Variants in SYTL2 observed in about 807,000 individuals in gnomAD.
SYTL2 encodes the protein synaptotagmin-like protein 2.
In SYTL2, 165 loss-of-function variants were observed where a neutral mutation model predicts 198.7. That is an observed-to-expected ratio of 0.83 (90% CI 0.73 to 0.94). The LOEUF is 0.94. SYTL2 is among the 40% of genes least tolerant of loss of function. The pLI is 0.00. For missense variants in SYTL2, 2,835 were observed against 2,582.8 expected (o/e 1.10, Z -2.12); for synonymous variants, 966 against 917.7 (o/e 1.05, Z -0.95).
chr11:85,776,642 T>C (rs556618682), intron 1 of SYTL2, among the ~76,000 whole-genome samples: 1 of 152,324 alleles, frequency 6.6e-6, no homozygotes, highest in African/African-American at 2.4e-5. Flanking sequence ...CTTAATCCAG[T>C]CTATCACTGA....
chr11:85,709,249 G>A (rs749406060), intron 14 of SYTL2, 82 bp downstream of exon 14: 1 of 1,401,636 alleles, frequency 7.1e-7, no homozygotes, highest in African/African-American at 1.4e-5. Flanking sequence ...CCCTCCTCTT[G>A]ATTACTTTAT....
At chr11:85,706,269 T>C (rs1423343802) in intron 15 of SYTL2, among the ~76,000 whole-genome samples, 3 of 152,230 alleles carry the variant, frequency 2.0e-5, no homozygotes, top group African/African-American at 7.2e-5. Context: ...ATCTTCCTTT[T>C]GCAAATCTGA....
At chr11:85,809,068 G>A (rs1333269222) in intron 1 of SYTL2, among the ~76,000 whole-genome samples, 26 of 152,200 alleles carry the variant, frequency 1.7e-4, no homozygotes, top group Admixed American at 1.6e-3. Flanking sequence ...GAAGATGGTG[G>A]AACCTGGGCT....
chr11:85,769,028 A>C (rs2092302227), intron 1 of SYTL2, among the ~76,000 whole-genome samples: 1 of 152,186 alleles, frequency 6.6e-6, no homozygotes, highest in African/African-American at 2.4e-5. Context: ...AAGAGGAAAA[A>C]AAAGATCATT....
chr11:85,746,553 T>C (rs1344644118), intron 3 of SYTL2, among the ~76,000 whole-genome samples: 7 of 152,208 alleles, frequency 4.6e-5, no homozygotes, highest in African/African-American at 1.7e-4. Flanking sequence ...GAAACTTGCC[T>C]AAGGCCACAG....
intron 11 of SYTL2, 86 bp from the exon 12 acceptor site, chr11:85,714,593 A>C: frequency 6.6e-7 from 1 of 1,520,004 alleles, no homozygotes; most frequent in Non-Finnish European, 8.9e-7. Flanking sequence ...CTTTTATTTA[A>C]TCTATGAACA....
chr11:85,776,592 GT>G (rs1252785452), intron 1 of SYTL2, among the ~76,000 whole-genome samples: 2 of 151,954 alleles, frequency 1.3e-5, no homozygotes, highest in African/African-American at 4.8e-5. Flanking sequence ...TCCCTTTTTT[GT>G]GGCTGCATAG....
intron 19 of SYTL2, 101 bp downstream of exon 19, chr11:85,696,082 A>G: frequency 2.2e-6 from 2 of 893,964 alleles, no homozygotes; most frequent in South Asian, 3.1e-5. Flanking sequence ...TGTTTTCAGG[A>G]TATCTCGGTT....
intron 1 of SYTL2, among the ~76,000 whole-genome samples, chr11:85,800,401 G>T (rs2092868658): frequency 6.6e-6 from 1 of 152,014 alleles, no homozygotes; most frequent in Non-Finnish European, 1.5e-5. Flanking sequence ...TCAGCCTCCT[G>T]AGTAGCTGGG....
rs1274285738 is a variant in SYTL2 at position 85,707,480 on chromosome 11, T to C, written c.5967A>G (p.Lys1989=). The C allele has an allele frequency of 6.2e-7, 1 of 1,614,110 alleles. No individual in the cohort carries two copies. The highest frequency in any genetic ancestry group is 1.1e-5 in the South Asian group (1 of 91,078). ...TCAAGGTTTTCTTCACTACGAGTGT[T>C]TTCTTCTTGCCCATTTTGCCTTTGT... is the stretch of plus-strand genomic sequence containing the variant. ...LPDKGKMGKK[K]TLVVKKTLNP... Residue 1989 remains lysine, a synonymous_variant, in exon 15 of 20, where the codon AAA becomes AAG. Coordinates refer to ENST00000359152, the MANE Select transcript of SYTL2 (RefSeq NM_206927.4).
chr11:85,757,039 C>T (rs1221295923), intron 2 of SYTL2, among the ~76,000 whole-genome samples: 1 of 152,192 alleles, frequency 6.6e-6, no homozygotes, highest in Non-Finnish European at 1.5e-5. Context: ...ATGAAAGTGG[C>T]AGGAATGTTG....
At chr11:85,824,908 C>G in the SYTL2 span, among the ~76,000 whole-genome samples, 1 of 152,190 alleles carries the variant, frequency 6.6e-6, no homozygotes, top group Non-Finnish European at 1.5e-5. Flanking sequence ...GGCAGAGAGA[C>G]TAGCACAGCT....
chr11:85,819,561 C>A, the SYTL2 span, among the ~76,000 whole-genome samples: 1 of 152,204 alleles, frequency 6.6e-6, no homozygotes, highest in African/African-American at 2.4e-5. Flanking sequence ...GGATCCCAAG[C>A]ATTGCAAGAG....
rs763910381 is a variant in SYTL2 at position 85,733,903 on chromosome 11, C to G, written c.1390+36G>C. The G allele has an allele frequency of 1.2e-5, 19 of 1,590,868 alleles. No individual in the cohort carries two copies. The South Asian group carries it at 2.1e-4, about 18-fold the overall frequency. On this transcript the variant is annotated intron_variant, in intron 7 of 19. Transcript: ENST00000359152. ...CGTGAGCCACCGCGCCCGGCCCCAC[C>G]AAGTTTTTATAATCTAGTAGTGACA... is the stretch of plus-strand genomic sequence containing the variant.
intron 1 of SYTL2, among the ~76,000 whole-genome samples, chr11:85,772,586 G>A (rs1040455843): frequency 1.4e-4 from 22 of 152,182 alleles, no homozygotes; most frequent in South Asian, 4.1e-4. Flanking sequence ...TTCACTATGC[G>A]TATGAAGGCA....
chr11:85,801,883 C>T lies in SYTL2; in HGVS notation c.-390+9071G>A, dbSNP rs1465326656. Among the ~76,000 whole-genome samples, 3 of 150,972 alleles carry T rather than the reference C, an allele frequency of 2.0e-5. No individual in the cohort carries two copies. In the East Asian group the frequency reaches 5.8e-4, roughly 29 times the overall value. ...TCGCTGGAGTGCAATGGCGCGATCT[C>T]GGCTCACTGCAAACTCCACCTCCCA... On this transcript the variant is annotated intron_variant, in intron 1 of 19. Transcript: ENST00000359152.
chr11:85,853,749 A>G, the SYTL2 span: 1 of 151,462 alleles, frequency 6.6e-6, no homozygotes, highest in African/African-American at 2.4e-5. Context: ...CGAACAAGAT[A>G]GACCTTAACT....
At chr11:85,782,493 A>G (rs1011073299) in intron 1 of SYTL2, among the ~76,000 whole-genome samples, 1 of 152,202 alleles carries the variant, frequency 6.6e-6, no homozygotes, top group African/African-American at 2.4e-5. Flanking sequence ...TTACTTATGC[A>G]AATGTATGCA....
intron 13 of SYTL2, among the ~76,000 whole-genome samples, chr11:85,710,903 C>A (rs527787433): frequency 2.6e-5 from 4 of 152,040 alleles, no homozygotes; most frequent in East Asian, 3.9e-4. Flanking sequence ...CAACAAAAAA[C>A]CCCACAAAGA....
Sources: allele counts gnomAD v4.1 joint callset (sites outside exome capture counted in the v4.1 genomes callset), GRCh38; gene constraint gnomAD v4.1.1; transcripts MANE v1.5; gene names NCBI Gene and HGNC (gene_info 2026-07-23, HGNC 2026-07-21).